TTC39C: variants seen among roughly 807,000 people sequenced by gnomAD.
TTC39C encodes tetratricopeptide repeat protein 39C.
TTC39C carries 33 observed loss-of-function variants against 76.3 expected under a neutral mutation model. That is an observed-to-expected ratio of 0.43 (90% CI 0.33 to 0.58). TTC39C has a LOEUF of 0.58. Among genes scored for constraint, TTC39C ranks in the 20% least tolerant of loss-of-function variants. The probability of loss-of-function intolerance (pLI) is 0.04; values close to 1 mark genes in which losing one functional copy is unlikely to be tolerated. For synonymous variants in TTC39C, 254 were observed against 260.6 expected, an observed-to-expected ratio of 0.97 and a Z score of 0.24; for missense variants, 595 against 701.4, an observed-to-expected ratio of 0.85 and a Z score of 1.71.
chr18:24,130,321 G>T lies in TTC39C; in HGVS notation c.1527G>T (p.Gln509His). ...ATTTGCATTCCTTTCAGTACTTCCA[G>T]CGAGCTGTTAAAGATGAATTGTGTC... ...GNSEDAVQYF[Q>H]RAVKDELCRQ... is the part of the protein sequence containing the mutation. The change falls in exon 12 of 14, where the codon CAG (glutamine) becomes CAT (histidine). Residue 509 changes from glutamine to histidine, a missense_variant. Transcript: ENST00000317571. 6.4e-7 allele frequency: 1 copy of T among 1,567,374 alleles called. No individual in the cohort carries two copies. Among genetic ancestry groups the T allele is most frequent in the Non-Finnish European group, 8.7e-7 (1 of 1,154,110 alleles).
intron 1 of TTC39C, among the ~76,000 whole-genome samples, chr18:23,993,961 T>G (rs1190849822): frequency 6.6e-6 from 1 of 152,222 alleles, no homozygotes; most frequent in Non-Finnish European, 1.5e-5. Context: ...AGCTTCATAT[T>G]AATCTTAAAT....
At position 24,134,257 on chromosome 18, in the gene TTC39C, G is replaced by GTTTTTTTTTTTTTTTTTTTTTTTTT. The variant is rs1182625147; in HGVS notation, c.*1689_*1690insTTTTTTTTTTTTTTTTTTTTTTTTT. 15 of 48,686 alleles carry GTTTTTTTTTTTTTTTTTTTTTTTTT rather than the reference G, an allele frequency of 3.1e-4. 7 individuals carry two copies. The highest frequency in any genetic ancestry group is 1.3e-3 in the South Asian group (2 of 1,482). 3.0% of individuals were successfully genotyped at this position (48,686 alleles called of 1,614,324 possible). On this transcript the variant is annotated 3_prime_UTR_variant, in exon 14 of 14. Transcript: ENST00000317571. ...TGGTGCCCAAAAATATTGGACATCT[G>GTTTTTTTTTTTTTTTTTTTTTTTTT]TTTTTTGTTTTTTTTTTTTTTTTTT...
At chr18:24,078,430 AT>A (rs2084334733) in intron 4 of TTC39C, among the ~76,000 whole-genome samples, 1 of 152,010 alleles carries the variant, frequency 6.6e-6, no homozygotes, top group Admixed American at 6.5e-5. Context: ...TTGCAGTCTT[AT>A]TTTTTCATTT....
chr18:24,044,831 GTTCACACAACTC>G (rs1260756625), intron 1 of TTC39C, among the ~76,000 whole-genome samples: 1 of 152,166 alleles, frequency 6.6e-6, no homozygotes, highest in Non-Finnish European at 1.5e-5. Flanking sequence ...TGTCATTTTA[GTTCACACAACTC>G]TGTCTGCCAG....
At chr18:24,038,971 A>G (rs1322031772) in intron 1 of TTC39C, among the ~76,000 whole-genome samples, 1 of 152,144 alleles carries the variant, frequency 6.6e-6, no homozygotes, top group African/African-American at 2.4e-5. Flanking sequence ...CCCTGTGTCC[A>G]GATATAGTCA....
intron 1 of TTC39C, among the ~76,000 whole-genome samples, chr18:24,027,948 T>C (rs2337236): frequency 1 from 152,140 of 152,228 alleles, 76,026 homozygotes; most frequent in Non-Finnish European, 1. Flanking sequence ...ACTGACTTTT[T>C]TCCACATTAT....
chr18:24,093,168 A>G (rs2084546499), intron 6 of TTC39C, among the ~76,000 whole-genome samples: 1 of 152,182 alleles, frequency 6.6e-6, no homozygotes, highest in African/African-American at 2.4e-5. Context: ...TTTGAATTTT[A>G]TCTCAATAAA....
chr18:24,030,622 T>C (rs758560268), intron 1 of TTC39C, among the ~76,000 whole-genome samples: 43 of 149,256 alleles, frequency 2.9e-4, no homozygotes, highest in Non-Finnish European at 5.8e-4. Flanking sequence ...TTAATCCTAA[T>C]TCTCTCAACA....
chr18:24,065,997 T>A lies in TTC39C; in HGVS notation c.217-15T>A, dbSNP rs370210776. On this transcript the variant is annotated splice_polypyrimidine_tract_variant and intron_variant, in intron 2 of 13. Transcript: ENST00000317571. Reference sequence around the variant, plus strand: ...TACTAATTCATTCATTCATTCATTCTTTCTTTCTTGGAAGAATGCCATGAT... The same window carrying A: ...TACTAATTCATTCATTCATTCATTCATTCTTTCTTGGAAGAATGCCATGAT... The A allele has an allele frequency of 3.2e-5, 50 of 1,550,130 alleles. No homozygotes were observed. Among genetic ancestry groups the A allele is most frequent in the Non-Finnish European group, 4.1e-5 (47 of 1,152,818 alleles).
intron 4 of TTC39C, among the ~76,000 whole-genome samples, chr18:24,074,707 G>A (rs548622967): frequency 6.6e-6 from 1 of 152,178 alleles, no homozygotes; most frequent in South Asian, 2.1e-4. Context: ...TTGGTGGGAC[G>A]GTAAACTAGT....
intron 1 of TTC39C, among the ~76,000 whole-genome samples, chr18:23,999,980 T>C (rs1260470319): frequency 6.6e-6 from 1 of 151,894 alleles, no homozygotes; most frequent in Non-Finnish European, 1.5e-5. Flanking sequence ...AACTGAAGAG[T>C]GGGCTTATAG....
At chr18:24,112,956 A>AT (rs879923455) in intron 6 of TTC39C, among the ~76,000 whole-genome samples, 58 of 147,576 alleles carry the variant, frequency 3.9e-4, no homozygotes, top group East Asian at 7.9e-4. Context: ...TAAAGGATTG[A>AT]TTTTTTTTTT....
intron 8 of TTC39C, chr18:24,121,122 A>T (rs901148427): frequency 6.6e-6 from 1 of 152,204 alleles, no homozygotes; most frequent in Non-Finnish European, 1.5e-5. Flanking sequence ...TTGAAATTAT[A>T]TCAAAATTAT....
intron 6 of TTC39C, among the ~76,000 whole-genome samples, chr18:24,084,689 C>T (rs9955320): frequency 1 from 152,186 of 152,222 alleles, 76,075 homozygotes; most frequent in Non-Finnish European, 1. Flanking sequence ...CGGGTCTCAC[C>T]CTGTTGCCCA....
intron 6 of TTC39C, among the ~76,000 whole-genome samples, chr18:24,099,539 T>C (rs12969864): frequency 0.13 from 19,173 of 151,892 alleles, 1,495 homozygotes; most frequent in East Asian, 0.17. Context: ...AACTTAGCAA[T>C]TAATATATAT....
At chr18:24,036,956 A>T (rs1012391273) in intron 1 of TTC39C, among the ~76,000 whole-genome samples, 4 of 152,164 alleles carry the variant, frequency 2.6e-5, no homozygotes, top group African/African-American at 9.7e-5. Flanking sequence ...CTTACATCTA[A>T]GATCATGTCA....
At chr18:24,004,133 T>G (rs1440013184) in intron 1 of TTC39C, among the ~76,000 whole-genome samples, 3 of 152,042 alleles carry the variant, frequency 2.0e-5, no homozygotes, top group African/African-American at 7.2e-5. Context: ...GAGGCAGAAG[T>G]GAGGAACAAG....
intron 13 of TTC39C, among the ~76,000 whole-genome samples, chr18:24,132,184 A>AT (rs1279311028): frequency 2.6e-5 from 4 of 152,242 alleles, no homozygotes; most frequent in Non-Finnish European, 5.9e-5. Context: ...TTTTATAACT[A>AT]TGTCCCTGAA....
intron 8 of TTC39C, among the ~76,000 whole-genome samples, chr18:24,120,682 A>G (rs893907800): frequency 1.3e-5 from 2 of 152,142 alleles, no homozygotes; most frequent in African/African-American, 4.8e-5. Context: ...TACCCATTAA[A>G]CAGAAACTCC....
Sources: gnomAD v4.1 joint callset for allele counts (sites outside exome capture counted in the v4.1 genomes callset) on GRCh38, gnomAD v4.1.1 for gene constraint, MANE v1.5 for transcripts, NCBI Gene and HGNC (gene_info 2026-07-23, HGNC 2026-07-21) for gene names.